The following TSGA10 variants were observed in gnomAD, a reference collection of about 807,000 sequenced individuals.
TSGA10 encodes testis-specific gene 10 protein.
TSGA10 carries 43 observed loss-of-function variants against 96.6 expected under a neutral mutation model. That is an observed-to-expected ratio of 0.44 (90% confidence interval 0.35 to 0.57). The LOEUF is 0.57. TSGA10 is among the 20% of genes least tolerant of loss of function. TSGA10 has a pLI of 0.01. For synonymous variants in TSGA10, 229 were observed against 269.9 expected (o/e 0.85, Z 1.48); for missense variants, 703 against 834.4 (o/e 0.84, Z 1.94).
chr2:99,123,010 G>A (rs2092658489), intron 2 of TSGA10, among the ~76,000 whole-genome samples: 1 of 151,956 alleles, frequency 6.6e-6, no homozygotes, highest in Non-Finnish European at 1.5e-5. Context: ...AACCTTCAAG[G>A]ATACTTTCTC....
At chr2:99,088,172 G>C (rs538233086) in intron 10 of TSGA10, among the ~76,000 whole-genome samples, 4 of 152,170 alleles carry the variant, frequency 2.6e-5, no homozygotes, top group Non-Finnish European at 5.9e-5. Flanking sequence ...ATGAATCTAA[G>C]AGAGATGATA....
In TSGA10 at chr2:99,079,351, A is replaced by G. The variant is rs529536734; in HGVS notation, c.728-538T>C. Among the ~76,000 whole-genome samples, 41 of 152,366 alleles carry G rather than the reference A, an allele frequency of 2.7e-4. No individual in the cohort carries two copies. The South Asian group carries it at 5.6e-3, about 21-fold the overall frequency. ...AAAATCATCCCAGGAAGTATGATTC[A>G]ATCTGTGAGAACTCTTGCAAGCCAG... On this transcript the variant is annotated intron_variant, in intron 11 of 20. Transcript: ENST00000393483.
At chr2:99,023,472 G>A (rs2080235555) in intron 17 of TSGA10, among the ~76,000 whole-genome samples, 1 of 151,732 alleles carries the variant, frequency 6.6e-6, no homozygotes, top group Admixed American at 6.6e-5. Context: ...GTGTATTTAA[G>A]AAAGTGCTGC....
chr2:99,133,788 A>G (rs2093209768), intron 1 of TSGA10, among the ~76,000 whole-genome samples: 1 of 152,232 alleles, frequency 6.6e-6, no homozygotes, highest in African/African-American at 2.4e-5. Context: ...GGTGGTGACA[A>G]AATATCTCAG....
At chr2:99,072,016 C>T (rs749695400) in intron 13 of TSGA10, 142 bp from the exon 14 acceptor site, 2 of 686,260 alleles carry the variant, frequency 2.9e-6, no homozygotes, top group Non-Finnish European at 4.7e-6. Flanking sequence ...GGAATAAATA[C>T]TGCAAAGACA....
intron 20 of TSGA10, among the ~76,000 whole-genome samples, chr2:98,999,344 T>C (rs938565584): frequency 2.4e-4 from 37 of 152,154 alleles, no homozygotes; most frequent in African/African-American, 8.2e-4. Context: ...AGTCAACCAC[T>C]AGAGGCTGCA....
intron 12 of TSGA10, among the ~76,000 whole-genome samples, chr2:99,078,018 TC>T (rs1339677919): frequency 6.6e-6 from 1 of 150,630 alleles, no homozygotes; most frequent in Non-Finnish European, 1.5e-5. Context: ...ATGCCTGTAA[TC>T]CCAGCACTTT....
At chr2:99,142,554 G>A (rs1007400458) in intron 1 of TSGA10, among the ~76,000 whole-genome samples, 1 of 151,818 alleles carries the variant, frequency 6.6e-6, no homozygotes, top group Non-Finnish European at 1.5e-5. Context: ...ATATTTTGTC[G>A]CATTTATTTT....
rs80233481 is a variant in TSGA10, at chr2:99,064,004, A to G, written c.1404+935T>C. Among the ~76,000 whole-genome samples the G allele has an allele frequency of 6.6e-3, 1,002 of 152,278 alleles. 9 individuals carry two copies. The highest frequency in any genetic ancestry group is 0.012 in the Non-Finnish European group (808 of 68,018). Reference sequence around the variant, plus strand: ...AAAGTATGGAAAAAATTGTCTGACAATATCAAGTATTGATTCACATTTGAG... The same window carrying G: ...AAAGTATGGAAAAAATTGTCTGACAGTATCAAGTATTGATTCACATTTGAG... On this transcript the variant is annotated intron_variant, in intron 16 of 20. Coordinates refer to ENST00000393483, the MANE Select transcript of TSGA10 (RefSeq NM_025244.4).
intron 20 of TSGA10, among the ~76,000 whole-genome samples, chr2:99,000,142 C>T (rs959866136): frequency 1.6e-4 from 24 of 152,154 alleles, no homozygotes; most frequent in South Asian, 2.1e-4. Context: ...GAGGCTGAGG[C>T]GAGTGGATTA....
chr2:99,099,440 T>A (rs901436412), intron 10 of TSGA10, among the ~76,000 whole-genome samples: 3 of 152,200 alleles, frequency 2.0e-5, no homozygotes, highest in African/African-American at 7.2e-5. Context: ...GTAACAAGCA[T>A]AATATAGTGT....
At chr2:99,130,998 C>G (rs1339519281) in intron 1 of TSGA10, among the ~76,000 whole-genome samples, 2 of 148,704 alleles carry the variant, frequency 1.3e-5, no homozygotes, top group Non-Finnish European at 3.0e-5. Context: ...TGGTATATAT[C>G]TGTTTTGGTA....
chr2:99,129,212 T>C (rs933943076), intron 1 of TSGA10, among the ~76,000 whole-genome samples: 1 of 152,204 alleles, frequency 6.6e-6, no homozygotes, highest in Non-Finnish European at 1.5e-5. Context: ...TTAATTGATA[T>C]TTATATATAT....
intron 1 of TSGA10, among the ~76,000 whole-genome samples, chr2:99,128,233 C>G (rs1434906350): frequency 6.6e-6 from 1 of 152,142 alleles, no homozygotes; most frequent in Non-Finnish European, 1.5e-5. Context: ...GATTTATTTC[C>G]CTTTTTTCTC....
chr2:99,120,114 A>G (rs1277792086), intron 2 of TSGA10, among the ~76,000 whole-genome samples: 1 of 152,208 alleles, frequency 6.6e-6, no homozygotes, highest in Non-Finnish European at 1.5e-5. Context: ...ACTAGATTCT[A>G]AACAACTTAA....
intron 20 of TSGA10, among the ~76,000 whole-genome samples, chr2:99,002,331 C>A (rs920673684): frequency 6.6e-6 from 1 of 152,186 alleles, no homozygotes; most frequent in Non-Finnish European, 1.5e-5. Flanking sequence ...GGCCAATATT[C>A]AACATTCTTA....
chr2:99,133,870 T>C (rs2093213775), intron 1 of TSGA10, among the ~76,000 whole-genome samples: 1 of 152,258 alleles, frequency 6.6e-6, no homozygotes, highest in Non-Finnish European at 1.5e-5. Flanking sequence ...TATGAAATTC[T>C]GGGTTGAAAA....
chr2:99,084,305 G>C (rs112858872), intron 10 of TSGA10, among the ~76,000 whole-genome samples: 37 of 152,268 alleles, frequency 2.4e-4, no homozygotes, highest in Non-Finnish European at 5.0e-4. Flanking sequence ...TTGGAAGTGG[G>C]GCCTGGGGAA....
At chr2:99,106,759 G>C (rs2091389804) in intron 7 of TSGA10, among the ~76,000 whole-genome samples, 1 of 151,842 alleles carries the variant, frequency 6.6e-6, no homozygotes, top group Non-Finnish European at 1.5e-5. Flanking sequence ...TTCTTCTTGA[G>C]ATTCCTTCCT....
Sources: gnomAD v4.1 joint callset for allele counts (sites outside exome capture counted in the v4.1 genomes callset) on GRCh38, gnomAD v4.1.1 for gene constraint, MANE v1.5 for transcripts, NCBI Gene and HGNC (gene_info 2026-07-23, HGNC 2026-07-21) for gene names.